The following PANK2 variants were observed in gnomAD, a reference collection of about 807,000 sequenced individuals.
The protein encoded by PANK2 is pantothenate kinase 2, mitochondrial.
In PANK2, 36 loss-of-function variants were observed where a neutral mutation model predicts 43.1. The observed-to-expected ratio is 0.84, with a 90% CI of 0.64 to 1.10. The LOEUF is 1.10. PANK2 is among the 50% of genes least tolerant of loss of function. The pLI is 0.00. For missense variants in PANK2, 576 were observed against 593.3 expected (o/e 0.97, Z 0.30); for synonymous variants, 281 against 238.2 (o/e 1.18, Z -1.66).
intron 6 of PANK2, 149 bp from the exon 7 acceptor site, chr20:3,923,095 C>G: frequency 1.1e-6 from 1 of 879,552 alleles, no homozygotes; most frequent in South Asian, 1.3e-5. Context: ...CGTCTCTGCT[C>G]CCAGGCTGGC....
chr20:3,918,730 G>A lies in PANK2; in HGVS notation c.1266G>A (p.Arg422=). The A allele has an allele frequency of 6.2e-7, 1 of 1,614,230 alleles. No homozygotes were observed. The highest frequency in any genetic ancestry group is 8.5e-7 in the Non-Finnish European group (1 of 1,180,050). The change falls in exon 6 of 7, where the codon CGG becomes CGA. Residue 422 remains arginine, a synonymous_variant. Coordinates refer to ENST00000610179, the MANE Select transcript of PANK2 (RefSeq NM_001386393.1). ...TGAGAATTAATACGATCGCCATGCG[G>A]CTTTTGGCATATGCTTTGGATTATT...
At chr20:3,898,015 A>AT (rs111463539) in intron 1 of PANK2, among the ~76,000 whole-genome samples, 2 of 151,816 alleles carry the variant, frequency 1.3e-5, no homozygotes, top group African/African-American at 2.4e-5. Context: ...AAAAAAAAAA[A>AT]CCTCTTGGTT....
intron 1 of PANK2, among the ~76,000 whole-genome samples, chr20:3,895,957 A>G (rs1167488537): frequency 6.6e-6 from 1 of 152,208 alleles, no homozygotes; most frequent in Non-Finnish European, 1.5e-5. Context: ...GCTTTCCTAG[A>G]ACAGCCTAGA....
chr20:3,890,296 C>G (rs1327955555), intron 1 of PANK2, among the ~76,000 whole-genome samples: 1 of 152,166 alleles, frequency 6.6e-6, no homozygotes, highest in African/African-American at 2.4e-5. Flanking sequence ...CACATATCCC[C>G]TCCGTTTTCC....
At chr20:3,898,684 A>C (rs1481234059) in intron 1 of PANK2, among the ~76,000 whole-genome samples, 1 of 151,934 alleles carries the variant, frequency 6.6e-6, no homozygotes, top group African/African-American at 2.4e-5. Flanking sequence ...AAGTAGATAG[A>C]TTTATTTCTT....
rs758080048 is a variant in PANK2 at position 3,910,807 on chromosome 20, T to G, written c.882T>G (p.Asn294Lys). Residue 294 changes from asparagine (N) to lysine (K), a missense_variant, in exon 3 of 7, where the codon AAT becomes AAG. By Grantham distance (94) the Asn-to-Lys change is moderately conservative. Coordinates refer to ENST00000610179, the MANE Select transcript of PANK2 (RefSeq NM_001386393.1). Reference sequence around the variant, plus strand: ...TCTTAGCAGTATATTCCAAAGATAATTACAAACGGGTCACAGGTACTAGGT... The same window carrying G: ...TCTTAGCAGTATATTCCAAAGATAAGTACAAACGGGTCACAGGTACTAGGT... 1.9e-6 allele frequency: 3 copies of G among 1,614,166 alleles called. No homozygotes were observed. Among genetic ancestry groups the G allele is most frequent in the South Asian group, 1.1e-5 (1 of 91,082 alleles).
intron 6 of PANK2, among the ~76,000 whole-genome samples, chr20:3,919,199 A>G (rs1266775561): frequency 6.6e-6 from 1 of 152,200 alleles, no homozygotes; most frequent in Admixed American, 6.5e-5. Context: ...GGTGTGAACC[A>G]CTGTGCCTGA....
At chr20:3,889,073 A>G (rs1451947341), upstream of PANK2, 11 of 1,480,410 alleles carry the variant, frequency 7.4e-6, no homozygotes, top group Middle Eastern at 2.4e-4. Flanking sequence ...AGAGGCATGC[A>G]CAAGTGGGGG....
At chr20:3,895,424 A>G (rs2090189693) in intron 1 of PANK2, among the ~76,000 whole-genome samples, 3 of 151,142 alleles carry the variant, frequency 2.0e-5, no homozygotes, top group South Asian at 4.2e-4. Flanking sequence ...TTGAGGTTGC[A>G]CTGAGCTATG....
chr20:3,905,773 T>C (rs1164269862), intron 1 of PANK2, among the ~76,000 whole-genome samples: 1 of 146,138 alleles, frequency 6.8e-6, no homozygotes, highest in Non-Finnish European at 1.5e-5. Flanking sequence ...TGTAGTGCAG[T>C]AGTGCTGTCT....
At position 3,915,698 on chromosome 20, in the gene PANK2, T is replaced by C. The variant is rs189756905; in HGVS notation, c.1083-1229T>C. ...AAGTTCATTTCTTTTTGCGTGTGGA[T>C]ATCCAGTTGTCCTAGTACCATTTGT... On this transcript the variant is annotated intron_variant, in intron 4 of 6. Transcript: ENST00000610179. Among the ~76,000 whole-genome samples, 8 of 152,356 alleles carry C rather than the reference T, an allele frequency of 5.3e-5. No homozygotes were observed. In the East Asian group the frequency reaches 1.5e-3, roughly 29 times the overall value.
At chr20:3,910,552 T>C (rs767743550) in intron 2 of PANK2, 25 bp from the exon 3 acceptor site, 2 of 1,613,936 alleles carry the variant, frequency 1.2e-6, no homozygotes, top group Non-Finnish European at 1.7e-6. Flanking sequence ...TTAAAAAGTC[T>C]GAGTACATTC....
intron 6 of PANK2, chr20:3,921,671 T>C (rs1402115212): frequency 1.3e-5 from 2 of 152,148 alleles, no homozygotes; most frequent in Non-Finnish European, 2.9e-5. Flanking sequence ...TGCCTTTATT[T>C]TATTTATACA....
chr20:3,897,090 G>A (rs188739244), intron 1 of PANK2, among the ~76,000 whole-genome samples: 3 of 152,206 alleles, frequency 2.0e-5, no homozygotes, highest in Non-Finnish European at 4.4e-5. Flanking sequence ...CCCAGCTGGT[G>A]AGTGCTGCAG....
Position 3,890,025 on chromosome 20 carries a change from A to T in PANK2, c.298+297A>T, listed in dbSNP as rs562475520. ...CTTGGGCATTCTCTTCCTGAGGGTC[A>T]CATGATTTTATCCTCGAGAAGGCTT... On this transcript the variant is annotated intron_variant, in intron 1 of 6. Transcript: ENST00000610179. The T allele has an allele frequency of 3.4e-5, 35 of 1,039,466 alleles. No homozygotes were observed. The African/African-American group carries it at 5.2e-4, about 15-fold the overall frequency. 64.4% of individuals were successfully genotyped at this position (1,039,466 alleles called of 1,614,324 possible).
chr20:3,889,267 A>C (rs769223902), upstream of PANK2: 1 of 1,611,784 alleles, frequency 6.2e-7, no homozygotes, highest in East Asian at 2.2e-5. Context: ...GGCACGGTCA[A>C]TCCTCCTCGA....
chr20:3,905,127 C>T (rs904703924), intron 1 of PANK2, among the ~76,000 whole-genome samples: 6 of 150,516 alleles, frequency 4.0e-5, no homozygotes, highest in African/African-American at 1.5e-4. Context: ...GTGGCCTGTC[C>T]ACTTGTGCCA....
At chr20:3,918,539 C>T (rs1272810790) in intron 5 of PANK2, 132 bp from the exon 6 acceptor site, 1 of 1,238,442 alleles carries the variant, frequency 8.1e-7, no homozygotes, top group African/African-American at 1.5e-5. Context: ...TAGCCCTGGA[C>T]CAACTGGACT....
At chr20:3,923,044 T>C (rs2090671088) in intron 6 of PANK2, among the ~76,000 whole-genome samples, 200 bp from the exon 7 acceptor site, 1 of 152,170 alleles carries the variant, frequency 6.6e-6, no homozygotes, top group Admixed American at 6.5e-5. Context: ...TTGGATAGTC[T>C]AGGACATCCA....
Sources: allele counts gnomAD v4.1 joint callset (sites outside exome capture counted in the v4.1 genomes callset), GRCh38; gene constraint gnomAD v4.1.1; transcripts MANE v1.5; gene names NCBI Gene and HGNC (gene_info 2026-07-23, HGNC 2026-07-21).